Variants in UBE3A observed in about 807,000 individuals in gnomAD.
UBE3A encodes the protein ubiquitin-protein ligase E3A.
Under a neutral mutation model 83.4 loss-of-function variants are expected in UBE3A, and 6 were observed. The ratio of observed to expected loss-of-function variants is 0.07; its 90% CI spans 0.04 to 0.14. The LOEUF is 0.14. Among genes scored for constraint, UBE3A ranks in the 10% least tolerant of loss-of-function variants. UBE3A has a pLI of 1.00. For synonymous variants in UBE3A, 337 were observed against 355.4 expected, an observed-to-expected ratio of 0.95 and a Z score of 0.58; for missense variants, 456 against 1,036.1, an observed-to-expected ratio of 0.44 and a Z score of 7.69.
intron 4 of UBE3A, among the ~76,000 whole-genome samples, chr15:25,395,071 G>A (rs548016321): frequency 2.6e-5 from 4 of 152,316 alleles, no homozygotes; most frequent in Non-Finnish European, 5.9e-5. Flanking sequence ...TGAATCAAGT[G>A]AGGAAGGAAG....
chr15:25,416,029 T>C (rs1044403266), intron 1 of UBE3A, among the ~76,000 whole-genome samples: 4 of 152,182 alleles, frequency 2.6e-5, no homozygotes, highest in African/African-American at 9.7e-5. Flanking sequence ...CAATTGTTTC[T>C]AATAATGTTC....
chr15:25,356,427 C>T (rs1436365399), intron 8 of UBE3A, among the ~76,000 whole-genome samples: 1 of 152,154 alleles, frequency 6.6e-6, no homozygotes, highest in South Asian at 2.1e-4. Flanking sequence ...TAAGATTTCA[C>T]TAAAACACAA....
At chr15:25,366,096 T>C (rs2079056703) in intron 6 of UBE3A, among the ~76,000 whole-genome samples, 1 of 152,224 alleles carries the variant, frequency 6.6e-6, no homozygotes, top group African/African-American at 2.4e-5. Flanking sequence ...ATGCTGAGGA[T>C]CTATGTATAT....
chr15:25,396,981 G>A (rs2085730877), intron 4 of UBE3A, among the ~76,000 whole-genome samples: 1 of 152,128 alleles, frequency 6.6e-6, no homozygotes, highest in Non-Finnish European at 1.5e-5. Flanking sequence ...TGCCATTAAT[G>A]GACAGTTAGC....
intron 3 of UBE3A, chr15:25,407,368 G>A: frequency 2.2e-5 from 16 of 719,148 alleles, no homozygotes; most frequent in Middle Eastern, 6.2e-4. Context: ...CATGATGATA[G>A]GAAAATAAAA....
chr15:25,361,645 C>CAGTACATGGATGGATACTGTATCT (rs1342371678), intron 6 of UBE3A, among the ~76,000 whole-genome samples: 4 of 151,848 alleles, frequency 2.6e-5, no homozygotes, highest in African/African-American at 7.3e-5. Context: ...TGACTGTATC[C>CAGTACATGGATGGATACTGTATCT]AGTACATGGA....
chr15:25,433,193 G>GTT (rs34825571), intron 1 of UBE3A, among the ~76,000 whole-genome samples: 16,508 of 140,512 alleles, frequency 0.12, 1,162 homozygotes, highest in Middle Eastern at 0.22. Context: ...TTTCTAAAAA[G>GTT]TTTTTTTTTT....
intron 6 of UBE3A, among the ~76,000 whole-genome samples, chr15:25,365,638 C>T (rs2078961318): frequency 6.6e-6 from 1 of 151,492 alleles, no homozygotes; most frequent in Non-Finnish European, 1.5e-5. Flanking sequence ...GTCCCAGCTA[C>T]TCGGGAGGCT....
At chr15:25,380,941 T>C (rs2082072389) in intron 4 of UBE3A, among the ~76,000 whole-genome samples, 1 of 152,214 alleles carries the variant, frequency 6.6e-6, no homozygotes, top group Non-Finnish European at 1.5e-5. Context: ...ATTGAATTAA[T>C]GGGACAGTGC....
rs2073941700 is a variant in UBE3A, at chr15:25,335,951, AG to A, written c.*3185del. On this transcript the variant is annotated 3_prime_UTR_variant, in exon 13 of 13. Coordinates refer to ENST00000648336, the MANE Select transcript of UBE3A (RefSeq NM_130839.5). ...ATAGATGTTACTGATTTTGGCAATG[AG>A]GAGATTATAAGGATCCTTGAAGACT... is the stretch of plus-strand genomic sequence containing the variant. The A allele has an allele frequency of 6.6e-6, 1 of 151,518 alleles. No homozygotes were observed. Among genetic ancestry groups the A allele is most frequent in the South Asian group, 2.1e-4 (1 of 4,828 alleles). The allele number at this position is 151,518 out of a possible 1,614,324, so 9.4% of individuals were successfully genotyped here.
At chr15:25,389,888 A>AACAG (rs58701157) in intron 4 of UBE3A, among the ~76,000 whole-genome samples, 18,665 of 151,840 alleles carry the variant, frequency 0.12, 1,454 homozygotes, top group East Asian at 0.42. Flanking sequence ...GCTCTGTCTC[A>AACAG]ACAGACAGAC....
chr15:25,400,635 C>T (rs2086849028), intron 4 of UBE3A, among the ~76,000 whole-genome samples: 1 of 152,150 alleles, frequency 6.6e-6, no homozygotes, highest in Admixed American at 6.5e-5. Context: ...TACAGAAATT[C>T]TACGGATTTT....
intron 4 of UBE3A, among the ~76,000 whole-genome samples, chr15:25,395,293 T>C (rs936906323): frequency 2.6e-5 from 4 of 152,182 alleles, no homozygotes; most frequent in African/African-American, 9.7e-5. Context: ...GCATAGTAAA[T>C]AACATGGTTT....
intron 4 of UBE3A, among the ~76,000 whole-genome samples, chr15:25,383,047 A>G (rs1178561034): frequency 6.6e-6 from 1 of 152,200 alleles, no homozygotes; most frequent in African/African-American, 2.4e-5. Context: ...GAACACTTTC[A>G]AAATCATTTT....
chr15:25,357,039 T>C (rs1555391405), intron 7 of UBE3A, 143 bp from the exon 8 acceptor site: 3 of 701,814 alleles, frequency 4.3e-6, no homozygotes, highest in Non-Finnish European at 4.7e-6. Context: ...ATTTCTATTA[T>C]ATTAGCACTT....
chr15:25,394,460 G>A (rs902074158), intron 4 of UBE3A, among the ~76,000 whole-genome samples: 2 of 152,130 alleles, frequency 1.3e-5, no homozygotes, highest in Admixed American at 1.3e-4. Context: ...TGATTAAAGA[G>A]ATTTCTTTTA....
At chr15:25,369,765 TA>T (rs1394063977) in intron 6 of UBE3A, among the ~76,000 whole-genome samples, 1 of 152,144 alleles carries the variant, frequency 6.6e-6, no homozygotes, top group Non-Finnish European at 1.5e-5. Context: ...TGGCCACTCT[TA>T]TATTCTTAAA....
chr15:25,366,017 T>G (rs566543512), intron 6 of UBE3A, among the ~76,000 whole-genome samples: 1 of 152,316 alleles, frequency 6.6e-6, no homozygotes, highest in African/African-American at 2.4e-5. Context: ...GGCTGGAATC[T>G]CTTTTAGATT....
chr15:25,335,742 C>G lies in UBE3A; in HGVS notation c.*3395G>C, dbSNP rs896538778. 6.6e-6 allele frequency: 1 copy of G among 152,114 alleles called. No individual in the cohort carries two copies. Among genetic ancestry groups the G allele is most frequent in the Admixed American group, 6.6e-5 (1 of 15,258 alleles). 9.4% of individuals were successfully genotyped at this position (152,114 alleles called of 1,614,324 possible). ...GAAATCCCAGAGACAGAGGTCTGAG[C>G]AAAAGATATGGGATTGGGGAAGAAT... On this transcript the variant is annotated 3_prime_UTR_variant, in exon 13 of 13. Transcript: ENST00000648336.
Sources: allele counts gnomAD v4.1 joint callset (sites outside exome capture counted in the v4.1 genomes callset), GRCh38; gene constraint gnomAD v4.1.1; transcripts MANE v1.5; gene names NCBI Gene and HGNC (gene_info 2026-07-23, HGNC 2026-07-21).